ZRANB3: variants seen among roughly 807,000 people sequenced by gnomAD.
ZRANB3 encodes the protein zinc finger RANBP2-type containing 3.
ZRANB3 carries 125 observed loss-of-function variants against 133.8 expected under a neutral mutation model. The ratio of observed to expected loss-of-function variants is 0.93; its 90% CI spans 0.81 to 1.08. ZRANB3 has a LOEUF of 1.08. Among genes scored for constraint, ZRANB3 ranks in the 50% least tolerant of loss-of-function variants. ZRANB3 has a pLI of 0.00. For synonymous variants in ZRANB3, 387 were observed against 432.7 expected (o/e 0.89, Z 1.31); for missense variants, 1,229 against 1,275.5 (o/e 0.96, Z 0.56).
chr2:135,353,491 A>C lies in ZRANB3; in HGVS notation c.318T>G (p.Ser106Arg). ...TCTGAATAACATTGATTTCTTCTGG[A>C]CTTAGCTCTGGGATCCATTTTTCAA... Reference protein sequence around the residue: ...EEIEKWIPELSPEEINVIQNK... With the variant: ...EEIEKWIPELRPEEINVIQNK... Residue 106 changes from serine to arginine, a missense_variant, in exon 4 of 21, where the codon AGT becomes AGG. Physicochemically the swap from Ser to Arg is moderately radical, Grantham distance 110. Coordinates refer to ENST00000264159, the MANE Select transcript of ZRANB3 (RefSeq NM_032143.4). The C allele has an allele frequency of 6.2e-7, 1 of 1,609,064 alleles. No homozygotes were observed. Among genetic ancestry groups the C allele is most frequent in the Non-Finnish European group, 8.5e-7 (1 of 1,177,472 alleles).
chr2:135,399,158 A>T (rs1390050647), intron 2 of ZRANB3, among the ~76,000 whole-genome samples: 1 of 152,220 alleles, frequency 6.6e-6, no homozygotes, highest in Non-Finnish European at 1.5e-5. Context: ...GGCACAATAG[A>T]ATATACAGTG....
intron 12 of ZRANB3, among the ~76,000 whole-genome samples, chr2:135,252,605 T>C (rs899315617): frequency 6.6e-6 from 1 of 152,192 alleles, no homozygotes; most frequent in African/African-American, 2.4e-5. Context: ...CAAATGACTC[T>C]TGGACAACAG....
At chr2:135,208,620 C>T (rs1352466339) in intron 18 of ZRANB3, among the ~76,000 whole-genome samples, 1 of 152,188 alleles carries the variant, frequency 6.6e-6, no homozygotes, top group Non-Finnish European at 1.5e-5. Context: ...TGGCCTCTAC[C>T]CGCAAGCCCT....
intron 6 of ZRANB3, among the ~76,000 whole-genome samples, chr2:135,330,063 T>C (rs1337868299): frequency 2.0e-5 from 3 of 152,226 alleles, no homozygotes; most frequent in Admixed American, 6.5e-5. Context: ...TCTTGCCTGA[T>C]AGCCCTGGCC....
rs879715125 is a variant in ZRANB3, at chr2:135,430,175, C to CA, written c.162-39356dup. Among the ~76,000 whole-genome samples, 86 of 140,156 alleles carry CA rather than the reference C, an allele frequency of 6.1e-4. No homozygotes were observed. The South Asian group carries it at 6.4e-3, about 10-fold the overall frequency. 91.9% of individuals were successfully genotyped at this position (140,156 alleles called of 152,430 possible). A position where few individuals can be genotyped will look rare whatever the true frequency, so the allele number is the denominator to read the frequency against. ...TGCGTGACAGAGCAAGACTCTGTCT[C>CA]AAAAAAAAACAAAAACAAAAACAGA... On this transcript the variant is annotated intron_variant, in intron 2 of 20. Coordinates refer to ENST00000264159, the MANE Select transcript of ZRANB3 (RefSeq NM_032143.4).
chr2:135,264,548 G>A (rs915844414), intron 12 of ZRANB3, among the ~76,000 whole-genome samples: 4 of 151,408 alleles, frequency 2.6e-5, no homozygotes, highest in East Asian at 3.9e-4. Flanking sequence ...ATTAATGAAC[G>A]CTAAAAACAC....
chr2:135,458,604 G>A (rs1209726613), intron 2 of ZRANB3, among the ~76,000 whole-genome samples: 5 of 152,054 alleles, frequency 3.3e-5, no homozygotes. Context: ...ACTGATGACA[G>A]AGGAAAATCA....
chr2:135,427,850 G>A (rs1201096897), intron 2 of ZRANB3, among the ~76,000 whole-genome samples: 1 of 152,076 alleles, frequency 6.6e-6, no homozygotes, highest in African/African-American at 2.4e-5. Context: ...CACAAAAACA[G>A]ACACATAGAC....
chr2:135,303,829 T>G (rs1295453918), intron 8 of ZRANB3, among the ~76,000 whole-genome samples: 1 of 152,212 alleles, frequency 6.6e-6, no homozygotes, highest in East Asian at 1.9e-4. Flanking sequence ...TTCTAAACAA[T>G]GCTTTGTAGT....
intron 2 of ZRANB3, among the ~76,000 whole-genome samples, chr2:135,483,924 G>C (rs555465436): frequency 1.3e-5 from 2 of 152,276 alleles, no homozygotes; most frequent in Admixed American, 1.3e-4. Flanking sequence ...GAGCGGTTTT[G>C]AGTGAGATTC....
chr2:135,385,519 G>A (rs977366053), intron 3 of ZRANB3, among the ~76,000 whole-genome samples: 1 of 152,126 alleles, frequency 6.6e-6, no homozygotes, highest in Admixed American at 6.6e-5. Flanking sequence ...AAAAGAGCCT[G>A]TATTGCCAAG....
chr2:135,261,454 A>T (rs1209682782), intron 12 of ZRANB3, among the ~76,000 whole-genome samples: 1 of 152,208 alleles, frequency 6.6e-6, no homozygotes, highest in Non-Finnish European at 1.5e-5. Context: ...CCAACAAAGC[A>T]AAACTAACCA....
intron 19 of ZRANB3, among the ~76,000 whole-genome samples, chr2:135,203,202 A>T (rs1693696064): frequency 6.6e-6 from 1 of 152,234 alleles, no homozygotes; most frequent in South Asian, 2.1e-4. Flanking sequence ...TGAAAAAATT[A>T]CAAGAAAATA....
intron 2 of ZRANB3, among the ~76,000 whole-genome samples, chr2:135,460,690 G>C (rs1021284657): frequency 6.6e-6 from 1 of 152,122 alleles, no homozygotes; most frequent in Non-Finnish European, 1.5e-5. Context: ...TTAGTTCCAT[G>C]AATCTTTAGT....
intron 3 of ZRANB3, among the ~76,000 whole-genome samples, chr2:135,359,608 A>AAAAAG (rs1218228379): frequency 9.2e-5 from 14 of 151,896 alleles, no homozygotes; most frequent in Non-Finnish European, 1.2e-4. Flanking sequence ...AAAGAAAAGA[A>AAAAAG]AAAAGAAAAG....
At chr2:135,474,770 G>T (rs148530087) in intron 2 of ZRANB3, among the ~76,000 whole-genome samples, 1 of 152,096 alleles carries the variant, frequency 6.6e-6, no homozygotes, top group Non-Finnish European at 1.5e-5. Context: ...AAATATTTTC[G>T]AGAATACCTA....
chr2:135,349,589 G>A (rs777181601), intron 5 of ZRANB3, among the ~76,000 whole-genome samples: 1 of 152,180 alleles, frequency 6.6e-6, no homozygotes, highest in Non-Finnish European at 1.5e-5. Flanking sequence ...AGAACAGACA[G>A]AAGCTCTGAA....
intron 3 of ZRANB3, among the ~76,000 whole-genome samples, chr2:135,377,005 C>G (rs1160484229): frequency 6.6e-6 from 1 of 152,158 alleles, no homozygotes; most frequent in Admixed American, 6.5e-5. Flanking sequence ...AGAATAAAGT[C>G]AAAAGGAACT....
intron 2 of ZRANB3, among the ~76,000 whole-genome samples, chr2:135,502,329 C>T (rs1692986494): frequency 6.6e-6 from 1 of 152,112 alleles, no homozygotes; most frequent in Non-Finnish European, 1.5e-5. Flanking sequence ...GAACAGCACA[C>T]TTTTTATTTT....
Sources: gnomAD v4.1 joint callset for allele counts (sites outside exome capture counted in the v4.1 genomes callset) on GRCh38, gnomAD v4.1.1 for gene constraint, MANE v1.5 for transcripts, NCBI Gene and HGNC (gene_info 2026-07-23, HGNC 2026-07-21) for gene names.